KCNIP1: variants seen among roughly 807,000 people sequenced by gnomAD.
The protein encoded by KCNIP1 is A-type potassium channel modulatory protein KCNIP1.
KCNIP1 carries 18 observed loss-of-function variants against 33.0 expected under a neutral mutation model. The observed-to-expected ratio is 0.55, with a 90% CI of 0.38 to 0.81. The LOEUF is 0.81. Ranked by LOEUF, KCNIP1 falls within the 30% of genes least tolerant of loss-of-function variation. The pLI is 0.00. For synonymous variants in KCNIP1, 93 were observed against 98.3 expected (o/e 0.95, Z 0.32); for missense variants, 238 against 271.6 (o/e 0.88, Z 0.87).
At chr5:170,465,809 A>G (rs1010257186) in intron 1 of KCNIP1, among the ~76,000 whole-genome samples, 14 of 152,200 alleles carry the variant, frequency 9.2e-5, no homozygotes, top group African/African-American at 2.9e-4. Context: ...TCCTCAGAAG[A>G]ACATTCTAGA....
intron 1 of KCNIP1, among the ~76,000 whole-genome samples, chr5:170,699,180 C>T (rs6876574): frequency 0.029 from 4,343 of 152,172 alleles, 75 homozygotes; most frequent in Non-Finnish European, 0.032. Context: ...CAAAAAAGAA[C>T]GTAACAGCCA....
At chr5:170,541,872 T>A (rs920724177) in intron 1 of KCNIP1, among the ~76,000 whole-genome samples, 1 of 152,168 alleles carries the variant, frequency 6.6e-6, no homozygotes, top group East Asian at 1.9e-4. Context: ...CTAGCAGAGT[T>A]CTTAGGAGAT....
intron 1 of KCNIP1, among the ~76,000 whole-genome samples, chr5:170,629,034 G>C (rs1248883167): frequency 1.3e-5 from 2 of 152,184 alleles, no homozygotes; most frequent in Non-Finnish European, 2.9e-5. Context: ...ACCCTGAAAT[G>C]CAAAATCATT....
intron 1 of KCNIP1, among the ~76,000 whole-genome samples, chr5:170,366,761 T>C (rs1561586429): frequency 6.6e-6 from 1 of 151,910 alleles, no homozygotes; most frequent in South Asian, 2.1e-4. Context: ...GGATGGAGGG[T>C]AGCCTGGCCC....
At chr5:170,638,832 CCGGGCTTCCTG>C (rs1760405558) in intron 1 of KCNIP1, among the ~76,000 whole-genome samples, 1 of 152,214 alleles carries the variant, frequency 6.6e-6, no homozygotes, top group Non-Finnish European at 1.5e-5. Context: ...TCCCGAATCT[CCGGGCTTCCTG>C]CATCCCTGGG....
intron 5 of KCNIP1, among the ~76,000 whole-genome samples, chr5:170,727,775 A>G (rs1033870561): frequency 1.3e-5 from 2 of 151,900 alleles, no homozygotes; most frequent in Admixed American, 1.3e-4. Context: ...TGTCTCTTCA[A>G]AACAAAAATT....
At chr5:170,529,084 G>C (rs1355181924) in intron 1 of KCNIP1, among the ~76,000 whole-genome samples, 1 of 152,146 alleles carries the variant, frequency 6.6e-6, no homozygotes, top group Non-Finnish European at 1.5e-5. Flanking sequence ...AAGAAAAGGG[G>C]GGTTTATTGG....
At chr5:170,572,209 GTC>G (rs943868024) in intron 1 of KCNIP1, among the ~76,000 whole-genome samples, 1 of 152,294 alleles carries the variant, frequency 6.6e-6, no homozygotes, top group Middle Eastern at 3.4e-3. Flanking sequence ...TATGCGTAAT[GTC>G]CCAATTTTTA....
chr5:170,561,568 G>A (rs1486866636), intron 1 of KCNIP1, among the ~76,000 whole-genome samples: 1 of 152,206 alleles, frequency 6.6e-6, no homozygotes, highest in Non-Finnish European at 1.5e-5. Context: ...TCTAGAGCTT[G>A]TTTGTGCCTT....
Position 170,565,441 on chromosome 5 carries a change from A to G in KCNIP1, c.61+60808A>G, listed in dbSNP as rs548320759. On this transcript the variant is annotated intron_variant, in intron 1 of 7. Transcript: ENST00000328939. ...TCAGGGACAGATTTTATTTCAGCCT[A>G]AAGGAACTTACACTGAGTAGAGAGT... 9.2e-5 allele frequency among the ~76,000 whole-genome samples: 14 copies of G among 152,200 alleles called. No homozygotes were observed. The South Asian group carries it at 2.9e-3, about 31-fold the overall frequency.
intron 1 of KCNIP1, among the ~76,000 whole-genome samples, chr5:170,715,572 G>A (rs1270275210): frequency 6.6e-6 from 1 of 152,182 alleles, no homozygotes. Flanking sequence ...ATCACTGTGT[G>A]AGGCACTCAC....
chr5:170,669,528 C>G, intron 1 of KCNIP1: 1 of 985,224 alleles, frequency 1.0e-6, no homozygotes, highest in Non-Finnish European at 1.2e-6. Flanking sequence ...GTTGAAAGGA[C>G]AGATGGATGG....
chr5:170,484,877 C>T (rs1054979335), intron 1 of KCNIP1, among the ~76,000 whole-genome samples: 2 of 152,010 alleles, frequency 1.3e-5, no homozygotes, highest in African/African-American at 4.8e-5. Flanking sequence ...TGCCACCCTC[C>T]CTCTCTGTAG....
intron 1 of KCNIP1, among the ~76,000 whole-genome samples, chr5:170,406,752 G>T (rs144475196): frequency 1.3e-5 from 2 of 152,176 alleles, no homozygotes; most frequent in Non-Finnish European, 2.9e-5. Flanking sequence ...AGGCCTGGAG[G>T]GTCTTTGCAC....
chr5:170,507,836 T>C (rs1209523876), intron 1 of KCNIP1, among the ~76,000 whole-genome samples: 1 of 152,224 alleles, frequency 6.6e-6, no homozygotes, highest in East Asian at 1.9e-4. Flanking sequence ...TTCAGGTTCA[T>C]TTCCTGTCCT....
chr5:170,659,934 T>C (rs1761410970), intron 1 of KCNIP1, among the ~76,000 whole-genome samples: 1 of 152,200 alleles, frequency 6.6e-6, no homozygotes. Context: ...AGTAGAATGA[T>C]CACAAGAGCT....
At chr5:170,364,752 G>T (rs1486583669) in intron 1 of KCNIP1, among the ~76,000 whole-genome samples, 2 of 152,168 alleles carry the variant, frequency 1.3e-5, no homozygotes, top group Non-Finnish European at 1.5e-5. Flanking sequence ...ACATGTGTTT[G>T]CTTGGTGATT....
chr5:170,710,978 C>T lies in KCNIP1; in HGVS notation c.62-7780C>T, dbSNP rs530830615. On this transcript the variant is annotated intron_variant, in intron 1 of 7. Coordinates refer to ENST00000328939, the MANE Select transcript of KCNIP1 (RefSeq NM_014592.4). ...TGAAAAATTCTAGACCAGCAACCAA[C>T]AACATCCTTCCCAAAGGTGTGTTAT... Among the ~76,000 whole-genome samples, 4 of 152,356 alleles carry T rather than the reference C, an allele frequency of 2.6e-5. No homozygotes were observed. In the East Asian group the frequency reaches 7.7e-4, roughly 29 times the overall value.
intron 1 of KCNIP1, among the ~76,000 whole-genome samples, chr5:170,446,171 C>T (rs527480696): frequency 1.3e-5 from 2 of 152,290 alleles, no homozygotes; most frequent in East Asian, 1.9e-4. Flanking sequence ...ACTGGCAGCA[C>T]GGGACAGAGA....
Sources: allele counts gnomAD v4.1 joint callset (sites outside exome capture counted in the v4.1 genomes callset), GRCh38; gene constraint gnomAD v4.1.1; transcripts MANE v1.5; gene names NCBI Gene and HGNC (gene_info 2026-07-23, HGNC 2026-07-21).